GPHN: variants seen among roughly 807,000 people sequenced by gnomAD.
GPHN encodes the protein gephyrin.
GPHN carries 17 observed loss-of-function variants against 95.5 expected under a neutral mutation model. The ratio of observed to expected loss-of-function variants is 0.18; its 90% CI spans 0.12 to 0.27. The LOEUF (loss-of-function observed/expected upper bound fraction) is 0.27. Among genes scored for constraint, GPHN ranks in the 10% least tolerant of loss-of-function variants. The probability of loss-of-function intolerance (pLI) is 1.00; values close to 1 mark genes in which losing one functional copy is unlikely to be tolerated. For missense variants in GPHN, 660 were observed against 978.1 expected (o/e 0.67, Z 4.34); for synonymous variants, 320 against 322.5 (o/e 0.99, Z 0.08).
At chr14:66,798,964 C>T (rs1255060620) in intron 3 of GPHN, among the ~76,000 whole-genome samples, 1 of 151,562 alleles carries the variant, frequency 6.6e-6, no homozygotes, top group Non-Finnish European at 1.5e-5. Flanking sequence ...TATAAACTTC[C>T]CTCTTAGTAC....
chr14:67,620,482 G>A, the GPHN span, among the ~76,000 whole-genome samples: 1 of 152,188 alleles, frequency 6.6e-6, no homozygotes, highest in Non-Finnish European at 1.5e-5. Context: ...TAAAAGGAGC[G>A]ACCGAGGATT....
chr14:67,620,192 G>A, the GPHN span: 1 of 788,968 alleles, frequency 1.3e-6, no homozygotes, highest in Middle Eastern at 3.3e-4. Flanking sequence ...GAGAGGATGG[G>A]GAGAAATGGC....
rs141654163 is a variant in GPHN, at chr14:67,071,333, G to A, written c.1144+12547G>A. 3.1e-3 allele frequency among the ~76,000 whole-genome samples: 476 copies of A among 152,264 alleles called. 17 individuals carry two copies. The East Asian group carries it at 0.084, about 27-fold the overall frequency. ...AAATGATGAGTTCATGTTCTTTGTAGGGACATGAATGAAGCTGGAAACCAT... is the reference window on the plus strand; with the variant it reads ...AAATGATGAGTTCATGTTCTTTGTAAGGACATGAATGAAGCTGGAAACCAT... On this transcript the variant is annotated intron_variant, in intron 11 of 22. Coordinates refer to ENST00000478722, the MANE Select transcript of GPHN (RefSeq NM_020806.5).
the GPHN span, among the ~76,000 whole-genome samples, chr14:67,232,294 GT>G: frequency 6.6e-6 from 1 of 152,172 alleles, no homozygotes; most frequent in Admixed American, 6.5e-5. Context: ...GAAACCAGCT[GT>G]TCCTTACGAC....
chr14:67,377,379 G>T, the GPHN span, among the ~76,000 whole-genome samples: 7 of 152,154 alleles, frequency 4.6e-5, no homozygotes, highest in African/African-American at 1.4e-4. Flanking sequence ...CTCCTGGTCA[G>T]TTCTTCAGTA....
At chr14:67,597,459 CAG>C in the GPHN span, among the ~76,000 whole-genome samples, 11 of 150,468 alleles carry the variant, frequency 7.3e-5, no homozygotes, top group East Asian at 1.8e-3. Flanking sequence ...GCCTGGGCAA[CAG>C]AGTGAGAACC....
intron 1 of GPHN, among the ~76,000 whole-genome samples, chr14:66,667,788 CA>C (rs2066055311): frequency 6.6e-6 from 1 of 152,104 alleles, no homozygotes; most frequent in African/African-American, 2.4e-5. Flanking sequence ...ACAGTCAAAC[CA>C]AAAATTGACA....
At chr14:66,588,613 G>C (rs1032825081) in intron 1 of GPHN, among the ~76,000 whole-genome samples, 1 of 151,958 alleles carries the variant, frequency 6.6e-6, no homozygotes, top group Non-Finnish European at 1.5e-5. Flanking sequence ...TAGGCGAATC[G>C]ATCAAGCGGA....
At chr14:66,664,394 A>G (rs1337572391) in intron 1 of GPHN, among the ~76,000 whole-genome samples, 1 of 152,226 alleles carries the variant, frequency 6.6e-6, no homozygotes, top group East Asian at 1.9e-4. Context: ...TTTTGGGTAA[A>G]TAATGAAATT....
Position 66,977,305 on chromosome 14 carries a change from C to A in GPHN, c.963+11980C>A, listed in dbSNP as rs532516029. On this transcript the variant is annotated intron_variant, in intron 9 of 22. Transcript: ENST00000478722. Reference sequence around the variant, plus strand: ...AATTAGCTGGGCATGGTGGTGGGCGCCTGTAGTCCCAGCTACTTGGAAGGC... The same window carrying A: ...AATTAGCTGGGCATGGTGGTGGGCGACTGTAGTCCCAGCTACTTGGAAGGC... 3.9e-5 allele frequency among the ~76,000 whole-genome samples: 6 copies of A among 152,148 alleles called. No homozygotes were observed. In the South Asian group the frequency reaches 1.0e-3, roughly 26 times the overall value.
the GPHN span, chr14:67,580,397 G>A: frequency 6.0e-6 from 1 of 166,874 alleles, no homozygotes; most frequent in Admixed American, 5.6e-5. Flanking sequence ...TGTGGTCTGG[G>A]ATTACTGTCC....
intron 3 of GPHN, among the ~76,000 whole-genome samples, chr14:66,776,832 C>T (rs2059398583): frequency 6.6e-6 from 1 of 152,064 alleles, no homozygotes; most frequent in Admixed American, 6.6e-5. Context: ...ATCTTTTTAT[C>T]TTGTTGCAAT....
intron 4 of GPHN, among the ~76,000 whole-genome samples, chr14:66,858,029 C>A (rs1002066347): frequency 1.3e-5 from 2 of 152,202 alleles, no homozygotes; most frequent in African/African-American, 4.8e-5. Flanking sequence ...TGAGTTTTGG[C>A]AAGCCTTGCC....
intron 1 of GPHN, among the ~76,000 whole-genome samples, chr14:66,536,284 C>G (rs1170035224): frequency 6.6e-6 from 1 of 152,062 alleles, no homozygotes; most frequent in South Asian, 2.1e-4. Flanking sequence ...AGGTGGTAAA[C>G]TTTGTCAAAT....
chr14:67,494,653 C>T, the GPHN span, among the ~76,000 whole-genome samples: 1 of 152,220 alleles, frequency 6.6e-6, no homozygotes, highest in African/African-American at 2.4e-5. Context: ...TCAGCAGGTA[C>T]ATCCCACCCT....
intron 8 of GPHN, among the ~76,000 whole-genome samples, chr14:66,932,557 T>C (rs778117156): frequency 5.0e-5 from 7 of 138,874 alleles, no homozygotes; most frequent in Non-Finnish European, 9.1e-5. Context: ...GATGGGAGGC[T>C]TTAGGAATCT....
At chr14:67,297,598 A>C in the GPHN span, among the ~76,000 whole-genome samples, 1 of 152,248 alleles carries the variant, frequency 6.6e-6, no homozygotes, top group African/African-American at 2.4e-5. Context: ...GTGGAAAGTC[A>C]GTGGAAACAG....
At chr14:67,612,641 G>C in the GPHN span, among the ~76,000 whole-genome samples, 187 of 152,200 alleles carry the variant, frequency 1.2e-3, no homozygotes, top group Non-Finnish European at 1.8e-3. Context: ...AGCTGTTTAT[G>C]GTTTAAGAAA....
chr14:67,599,882 C>T, the GPHN span: 1 of 643,368 alleles, frequency 1.6e-6, no homozygotes, highest in Non-Finnish European at 2.7e-6. Flanking sequence ...ATATCGTCCC[C>T]AGAACCCGTG....
Sources: gnomAD v4.1 joint callset for allele counts (sites outside exome capture counted in the v4.1 genomes callset) on GRCh38, gnomAD v4.1.1 for gene constraint, MANE v1.5 for transcripts, NCBI Gene and HGNC (gene_info 2026-07-23, HGNC 2026-07-21) for gene names.